The following SGCD variants were observed in gnomAD, a reference collection of about 807,000 sequenced individuals.
The protein encoded by SGCD is delta-sarcoglycan.
A neutral mutation model predicts 36.6 loss-of-function variants in SGCD; 18 were observed. The observed-to-expected ratio is 0.49, with a 90% CI of 0.34 to 0.73. The LOEUF (loss-of-function observed/expected upper bound fraction) is 0.73. Ranked by LOEUF, SGCD falls within the 30% of genes least tolerant of loss-of-function variation. SGCD has a pLI of 0.01. For synonymous variants in SGCD, 133 were observed against 130.6 expected (o/e 1.02, Z -0.12); for missense variants, 387 against 346.7 (o/e 1.12, Z -0.92).
intron 2 of SGCD, among the ~76,000 whole-genome samples, chr5:156,338,978 A>T (rs991184947): frequency 6.6e-6 from 1 of 152,162 alleles, no homozygotes; most frequent in African/African-American, 2.4e-5. Flanking sequence ...ATGCAATCCC[A>T]GTTAGGAACA....
At chr5:156,586,615 T>G (rs1000788805) in intron 4 of SGCD, among the ~76,000 whole-genome samples, 5 of 152,256 alleles carry the variant, frequency 3.3e-5, no homozygotes, top group Non-Finnish European at 7.3e-5. Flanking sequence ...CATGGATATT[T>G]ATTTTATGCT....
chr5:156,551,848 T>G (rs1758810640), intron 4 of SGCD, among the ~76,000 whole-genome samples: 1 of 152,216 alleles, frequency 6.6e-6, no homozygotes, highest in Admixed American at 6.5e-5. Flanking sequence ...TCTCTCATTT[T>G]GCTTTTACTG....
At chr5:156,371,604 T>A (rs767407872) in intron 3 of SGCD, among the ~76,000 whole-genome samples, 9 of 152,182 alleles carry the variant, frequency 5.9e-5, no homozygotes, top group Non-Finnish European at 1.3e-4. Context: ...AAGCCCGGAA[T>A]CAAAATGTGA....
intron 1 of SGCD, among the ~76,000 whole-genome samples, chr5:156,000,803 T>C (rs1758648278): frequency 4.6e-5 from 7 of 151,828 alleles, no homozygotes. Flanking sequence ...CTCACACATA[T>C]ATATATATAT....
At chr5:156,085,513 A>T (rs1437301013) in intron 1 of SGCD, among the ~76,000 whole-genome samples, 1 of 152,188 alleles carries the variant, frequency 6.6e-6, no homozygotes, top group African/African-American at 2.4e-5. Context: ...AGAAGCTGAG[A>T]AGATGCCAGT....
intron 1 of SGCD, among the ~76,000 whole-genome samples, chr5:156,089,776 T>C (rs1761193581): frequency 6.6e-6 from 1 of 152,244 alleles, no homozygotes; most frequent in Non-Finnish European, 1.5e-5. Context: ...CTGAATAGTC[T>C]TCTGGAGGTG....
intron 7 of SGCD, among the ~76,000 whole-genome samples, chr5:156,737,940 C>G (rs910123169): frequency 6.6e-6 from 1 of 152,154 alleles, no homozygotes; most frequent in Non-Finnish European, 1.5e-5. Flanking sequence ...CTATGATGCA[C>G]TGCCCCATAG....
chr5:156,252,864 G>A (rs1364213064), intron 3 of SGCD, among the ~76,000 whole-genome samples: 2 of 152,100 alleles, frequency 1.3e-5, no homozygotes, highest in Non-Finnish European at 2.9e-5. Context: ...TTGCTGGATG[G>A]CCTTGCAAGT....
intron 7 of SGCD, among the ~76,000 whole-genome samples, chr5:156,725,245 C>T (rs563196522): frequency 6.6e-6 from 1 of 152,300 alleles, no homozygotes; most frequent in South Asian, 2.1e-4. Flanking sequence ...TACACTGTCT[C>T]AGGGGAGAAC....
chr5:156,111,698 C>G lies in SGCD; in HGVS notation c.-281-6180C>G, dbSNP rs543128827. Among the ~76,000 whole-genome samples, 6 of 152,140 alleles carry G rather than the reference C, an allele frequency of 3.9e-5. No homozygotes were observed. The East Asian group carries it at 9.6e-4, about 24-fold the overall frequency. ...AAAGCAGTCACAATTAATCCTTTACCATGTATGTGCACATGGATTGTGGAG... is the reference window on the plus strand; with the variant it reads ...AAAGCAGTCACAATTAATCCTTTACGATGTATGTGCACATGGATTGTGGAG... On this transcript the variant is annotated intron_variant, in intron 1 of 9. Transcript: ENST00000517913.
chr5:156,071,321 G>A (rs1290408677), intron 1 of SGCD, among the ~76,000 whole-genome samples: 2 of 152,138 alleles, frequency 1.3e-5, no homozygotes, highest in African/African-American at 2.4e-5. Flanking sequence ...AGAGATTCTG[G>A]TATGTTGTAT....
intron 3 of SGCD, among the ~76,000 whole-genome samples, chr5:156,429,433 C>A (rs1351409712): frequency 6.6e-6 from 1 of 151,890 alleles, no homozygotes; most frequent in Non-Finnish European, 1.5e-5. Context: ...TTGAAGACAG[C>A]AGATATTTGG....
chr5:156,268,174 T>C (rs1345894665), intron 3 of SGCD, among the ~76,000 whole-genome samples: 1 of 152,214 alleles, frequency 6.6e-6, no homozygotes, highest in African/African-American at 2.4e-5. Context: ...CCCATTCTTT[T>C]TTATGGCTAC....
At chr5:156,495,079 C>G (rs1026797298) in intron 3 of SGCD, among the ~76,000 whole-genome samples, 3 of 152,086 alleles carry the variant, frequency 2.0e-5, no homozygotes, top group African/African-American at 7.2e-5. Flanking sequence ...TCCACAGGTG[C>G]AGTGATTTCC....
At chr5:155,961,803 T>C (rs1561664326) in intron 1 of SGCD, among the ~76,000 whole-genome samples, 1 of 152,102 alleles carries the variant, frequency 6.6e-6, no homozygotes, top group Non-Finnish European at 1.5e-5. Context: ...GAGTAATGCA[T>C]ATTTTCATTG....
chr5:156,449,498 T>G (rs190627159), intron 3 of SGCD, among the ~76,000 whole-genome samples: 132 of 151,586 alleles, frequency 8.7e-4, no homozygotes, highest in African/African-American at 3.0e-3. Flanking sequence ...GGAAAAGGCC[T>G]GAGAATTTAC....
chr5:156,243,410 C>T (rs911397697), intron 3 of SGCD, among the ~76,000 whole-genome samples: 7 of 151,910 alleles, frequency 4.6e-5, no homozygotes, highest in Non-Finnish European at 8.8e-5. Context: ...GAAGTAAACA[C>T]ATTAAGGGTA....
intron 3 of SGCD, among the ~76,000 whole-genome samples, chr5:156,501,789 C>G (rs994651314): frequency 2.6e-5 from 4 of 152,200 alleles, no homozygotes; most frequent in African/African-American, 9.6e-5. Flanking sequence ...GCAGGGCTTT[C>G]AGAATTCTTG....
chr5:156,288,615 G>A (rs1401811565), intron 3 of SGCD, among the ~76,000 whole-genome samples: 3 of 152,136 alleles, frequency 2.0e-5, no homozygotes, highest in Non-Finnish European at 4.4e-5. Flanking sequence ...GTGTGTTAGT[G>A]GTTTCATGGG....
Sources: allele counts gnomAD v4.1 joint callset (sites outside exome capture counted in the v4.1 genomes callset), GRCh38; gene constraint gnomAD v4.1.1; transcripts MANE v1.5; gene names NCBI Gene and HGNC (gene_info 2026-07-23, HGNC 2026-07-21).